The following CCBE1 variants were observed in gnomAD, a reference collection of about 807,000 sequenced individuals.
CCBE1 encodes the protein collagen and calcium-binding EGF domain-containing protein 1.
A neutral mutation model predicts 50.0 loss-of-function variants in CCBE1; 37 were observed. The observed-to-expected ratio is 0.74, with a 90% CI of 0.57 to 0.97. The LOEUF (loss-of-function observed/expected upper bound fraction) is 0.97, where lower values mean the gene tolerates loss of function less well. Among genes scored for constraint, CCBE1 ranks in the 50% least tolerant of loss-of-function variants. CCBE1 has a pLI of 0.00. For missense variants in CCBE1, 538 were observed against 523.8 expected (o/e 1.03, Z -0.26); for synonymous variants, 234 against 203.7 (o/e 1.15, Z -1.27).
intron 2 of CCBE1, among the ~76,000 whole-genome samples, chr18:59,564,412 T>C (rs1032628278): frequency 3.9e-5 from 6 of 152,242 alleles, no homozygotes; most frequent in Non-Finnish European, 7.3e-5. Flanking sequence ...ACTTTGTATA[T>C]TGAATATTTT....
intron 2 of CCBE1, among the ~76,000 whole-genome samples, chr18:59,685,009 A>AAAAT (rs1156373276): frequency 9.2e-5 from 14 of 152,376 alleles, no homozygotes; most frequent in African/African-American, 3.4e-4. Context: ...CATGTAAAAA[A>AAAAT]AAATGTGTTT....
chr18:59,479,280 A>G (rs1912456654), intron 3 of CCBE1, among the ~76,000 whole-genome samples: 1 of 152,050 alleles, frequency 6.6e-6, no homozygotes, highest in Non-Finnish European at 1.5e-5. Context: ...GTAGCCCTCT[A>G]CTTTCTACTT....
intron 5 of CCBE1, 175 bp from the exon 6 acceptor site, chr18:59,455,126 G>C (rs1245467617): frequency 2.9e-6 from 2 of 691,324 alleles, no homozygotes; most frequent in Middle Eastern, 2.8e-4. Context: ...CCCAGGGTCA[G>C]GGAAGAGGGG....
Position 59,431,419 on chromosome 18 carries a change from C to G in CCBE1, c.*4489G>C, listed in dbSNP as rs1410324279. On this transcript the variant is annotated 3_prime_UTR_variant, in exon 11 of 11. Coordinates refer to ENST00000439986, the MANE Select transcript of CCBE1 (RefSeq NM_133459.4). Reference sequence around the variant, plus strand: ...GGCCTGGATTCCTCCAATAACTTTCCTTTTCAGGAAGGTTATTTGACAGAT... The same window carrying G: ...GGCCTGGATTCCTCCAATAACTTTCGTTTTCAGGAAGGTTATTTGACAGAT... 1 of 152,182 alleles carries G rather than the reference C, an allele frequency of 6.6e-6. No homozygotes were observed. Among genetic ancestry groups the G allele is most frequent in the Non-Finnish European group, 1.5e-5 (1 of 68,038 alleles). The allele number at this position is 152,182 out of a possible 1,614,324, so 9.4% of individuals were successfully genotyped here.
intron 2 of CCBE1, among the ~76,000 whole-genome samples, chr18:59,503,829 A>T (rs1913740975): frequency 6.6e-6 from 1 of 152,230 alleles, no homozygotes; most frequent in Non-Finnish European, 1.5e-5. Flanking sequence ...ACCCAGTCAC[A>T]TACCAAATGT....
At chr18:59,697,122 G>C in intron 1 of CCBE1, 90 bp downstream of exon 1, 1 of 1,514,574 alleles carries the variant, frequency 6.6e-7, no homozygotes. Context: ...ATCGCTGTGG[G>C]AGTGGGCGCC....
At chr18:59,442,911 C>G (rs553057671) in intron 7 of CCBE1, among the ~76,000 whole-genome samples, 88 of 152,216 alleles carry the variant, frequency 5.8e-4, no homozygotes, top group Non-Finnish European at 1.0e-3. Context: ...GTTCAGTTCC[C>G]TTGTTTCTAA....
chr18:59,540,524 A>G (rs867085625), intron 2 of CCBE1, among the ~76,000 whole-genome samples: 6 of 152,082 alleles, frequency 3.9e-5, no homozygotes, highest in Non-Finnish European at 7.4e-5. Flanking sequence ...CTGTCATTCT[A>G]TTTTTTGTTT....
At chr18:59,632,551 G>A (rs1470667400) in intron 2 of CCBE1, among the ~76,000 whole-genome samples, 1 of 151,876 alleles carries the variant, frequency 6.6e-6, no homozygotes, top group African/African-American at 2.4e-5. Context: ...TGGAATTACA[G>A]GCGTGAGCCA....
chr18:59,632,013 A>G (rs1328902404), intron 2 of CCBE1, among the ~76,000 whole-genome samples: 3 of 152,230 alleles, frequency 2.0e-5, no homozygotes, highest in Non-Finnish European at 2.9e-5. Flanking sequence ...TTAAGAATTA[A>G]AATATTGCTG....
At position 59,694,721 on chromosome 18, in the gene CCBE1, T is replaced by A. The variant is rs1282270157; in HGVS notation, c.212+1908A>T. Among the ~76,000 whole-genome samples the A allele has an allele frequency of 2.0e-5, 3 of 152,260 alleles. No homozygotes were observed. In the East Asian group the frequency reaches 5.8e-4, roughly 29 times the overall value. On this transcript the variant is annotated intron_variant, in intron 2 of 10. Coordinates refer to ENST00000439986, the MANE Select transcript of CCBE1 (RefSeq NM_133459.4). ...TAAGGAAAATAATATCCTCTATTCT[T>A]GGGATTCAAGAAGAGTAGATTATAG...
chr18:59,554,030 TCTCA>T (rs1440916535), intron 2 of CCBE1, among the ~76,000 whole-genome samples: 1 of 152,126 alleles, frequency 6.6e-6, no homozygotes, highest in East Asian at 1.9e-4. Context: ...AGAGATAAGG[TCTCA>T]CTCTGTTGTC....
chr18:59,608,374 A>T (rs1320418204), intron 2 of CCBE1, among the ~76,000 whole-genome samples: 1 of 152,190 alleles, frequency 6.6e-6, no homozygotes, highest in Non-Finnish European at 1.5e-5. Flanking sequence ...TAATCATGTC[A>T]GAGATTATTT....
intron 7 of CCBE1, among the ~76,000 whole-genome samples, chr18:59,442,830 T>C (rs568291070): frequency 7.4e-4 from 112 of 152,296 alleles, no homozygotes; most frequent in Middle Eastern, 3.4e-3. Flanking sequence ...CACAATTCCA[T>C]CATCAGCACA....
intron 2 of CCBE1, among the ~76,000 whole-genome samples, chr18:59,488,180 C>T (rs540629959): frequency 3.3e-5 from 5 of 152,278 alleles, no homozygotes; most frequent in Admixed American, 6.5e-5. Context: ...TTGCCAGGGA[C>T]TGTAAAGACG....
chr18:59,668,813 A>G (rs1000499034), intron 2 of CCBE1, among the ~76,000 whole-genome samples: 3 of 139,176 alleles, frequency 2.2e-5, no homozygotes, highest in African/African-American at 5.3e-5. Flanking sequence ...ATGGTTTTCC[A>G]TAAGTCTTTT....
intron 2 of CCBE1, among the ~76,000 whole-genome samples, chr18:59,587,758 A>G (rs573328939): frequency 5.3e-5 from 8 of 152,366 alleles, no homozygotes; most frequent in African/African-American, 1.9e-4. Context: ...TATCTTAATC[A>G]CAGATAAGAT....
chr18:59,439,768 G>C lies in CCBE1; in HGVS notation c.824C>G (p.Pro275Arg). 1 of 1,614,184 alleles carries C rather than the reference G, an allele frequency of 6.2e-7. No homozygotes were observed. Residue 275 changes from proline to arginine, a missense_variant, in exon 8 of 11, where the codon CCT becomes CGT. Physicochemically the swap from Pro to Arg is moderately radical, Grantham distance 103 (BLOSUM62 -2). Coordinates refer to ENST00000439986, the MANE Select transcript of CCBE1 (RefSeq NM_133459.4). ...GCCCCGTGGGCCGGGCTGCCCAGGA[G>C]GGCCTGGCATACCGGGGAAGCCTGG... ...GSPGFPGMPG[P>R]PGQPGPRGSM...
intron 2 of CCBE1, among the ~76,000 whole-genome samples, chr18:59,678,137 G>C (rs1218400372): frequency 6.6e-6 from 1 of 152,188 alleles, no homozygotes; most frequent in Non-Finnish European, 1.5e-5. Flanking sequence ...TGCAACAGTT[G>C]ATAGCTGAAT....
Sources: gnomAD v4.1 joint callset for allele counts (sites outside exome capture counted in the v4.1 genomes callset) on GRCh38, gnomAD v4.1.1 for gene constraint, MANE v1.5 for transcripts, NCBI Gene and HGNC (gene_info 2026-07-23, HGNC 2026-07-21) for gene names.